Variants in INTS13 observed in about 807,000 individuals in gnomAD.
INTS13 encodes the protein integrator complex subunit 13.
A neutral mutation model predicts 90.2 loss-of-function variants in INTS13; 35 were observed. The observed-to-expected ratio is 0.39, with a 90% CI of 0.30 to 0.51. The LOEUF (loss-of-function observed/expected upper bound fraction) is 0.51, where lower values mean the gene tolerates loss of function less well. INTS13 is among the 20% of genes least tolerant of loss of function. The pLI is 0.80. For synonymous variants in INTS13, 309 were observed against 277.1 expected (o/e 1.11, Z -1.14); for missense variants, 601 against 851.2 (o/e 0.71, Z 3.66).
intron 16 of INTS13, among the ~76,000 whole-genome samples, chr12:26,906,090 C>A (rs1951599802): frequency 6.6e-6 from 1 of 152,046 alleles, no homozygotes; most frequent in Admixed American, 6.5e-5. Context: ...AAGAAATGCT[C>A]TAAGGAGTAA....
At chr12:26,911,124 C>T in intron 15 of INTS13, 54 bp downstream of exon 15, 1 of 1,563,640 alleles carries the variant, frequency 6.4e-7, no homozygotes, top group Admixed American at 1.9e-5. Flanking sequence ...GGTAAGCCAC[C>T]ACACCCGGCC....
chr12:26,925,956 C>A, intron 5 of INTS13, 105 bp from the exon 6 acceptor site: 1 of 747,678 alleles, frequency 1.3e-6, no homozygotes. Context: ...CATATTGCTA[C>A]AATTAGATAT....
At chr12:26,910,479 C>T (rs1003517622) in intron 15 of INTS13, among the ~76,000 whole-genome samples, 3 of 152,126 alleles carry the variant, frequency 2.0e-5, no homozygotes, top group Non-Finnish European at 2.9e-5. Context: ...ATGCTGTTCT[C>T]GTGATAGTGA....
intron 10 of INTS13, among the ~76,000 whole-genome samples, chr12:26,917,078 TCA>T (rs199518255): frequency 0.011 from 1,716 of 152,158 alleles, 26 homozygotes; most frequent in African/African-American, 0.039. Context: ...ATAAAAATAC[TCA>T]CAATTTTATT....
In INTS13 at chr12:26,919,904, G is replaced by A. The variant is rs528480534; in HGVS notation, c.890-2171C>T. Reference sequence around the variant, plus strand: ...CAGCACTTTGGGAGGCTGAGGGGGCGGATCACGAGGTCAGGAGATCAAGAC... The same window carrying A: ...CAGCACTTTGGGAGGCTGAGGGGGCAGATCACGAGGTCAGGAGATCAAGAC... On this transcript the variant is annotated intron_variant, in intron 8 of 16. Coordinates refer to ENST00000261191, the MANE Select transcript of INTS13 (RefSeq NM_018164.3). 4.4e-4 allele frequency among the ~76,000 whole-genome samples: 67 copies of A among 152,098 alleles called. 1 individual carries two copies. In the South Asian group the frequency reaches 0.014, roughly 31 times the overall value.
intron 5 of INTS13, among the ~76,000 whole-genome samples, chr12:26,926,531 C>T (rs1937884682): frequency 6.6e-6 from 1 of 152,190 alleles, no homozygotes; most frequent in African/African-American, 2.4e-5. Flanking sequence ...AACACTATGA[C>T]CGCACCTAAG....
chr12:26,914,376 T>TA (rs113095337), intron 12 of INTS13, 32 bp downstream of exon 12: 16 of 1,572,056 alleles, frequency 1.0e-5, no homozygotes, highest in African/African-American at 9.6e-5. Context: ...ATAACTAATC[T>TA]ATAAGAAAAG....
At chr12:26,922,921 A>AT (rs981556569) in intron 7 of INTS13, among the ~76,000 whole-genome samples, 4 of 152,136 alleles carry the variant, frequency 2.6e-5, no homozygotes, top group Admixed American at 6.5e-5. Flanking sequence ...GTATTTAATG[A>AT]TTTTTTTACA....
chr12:26,935,991 A>C (rs183461765), intron 2 of INTS13, among the ~76,000 whole-genome samples: 1 of 152,352 alleles, frequency 6.6e-6, no homozygotes, highest in African/African-American at 2.4e-5. Flanking sequence ...AACCATATCC[A>C]CTTAGCATTC....
At chr12:26,917,331 C>A (rs749949402) in intron 10 of INTS13, 21 bp downstream of exon 10, 2 of 970,916 alleles carry the variant, frequency 2.1e-6, no homozygotes, top group Non-Finnish European at 3.0e-6. Context: ...TCAGTCAAAA[C>A]CATTAAATAA....
intron 14 of INTS13, among the ~76,000 whole-genome samples, chr12:26,913,007 A>G (rs1371477037): frequency 6.6e-6 from 1 of 152,196 alleles, no homozygotes; most frequent in Non-Finnish European, 1.5e-5. Flanking sequence ...CTGGGATTAC[A>G]GGTGTGAACC....
Position 26,905,423 on chromosome 12 carries a change from T to C in INTS13, c.*74A>G. ...AGGCAACATAACTATACCATCTTGCTGTAAAAGTACTTATATCGAATTCCG... is the reference window on the plus strand; with the variant it reads ...AGGCAACATAACTATACCATCTTGCCGTAAAAGTACTTATATCGAATTCCG... On this transcript the variant is annotated 3_prime_UTR_variant, in exon 17 of 17. Coordinates refer to ENST00000261191, the MANE Select transcript of INTS13 (RefSeq NM_018164.3). The C allele has an allele frequency of 7.3e-7, 1 of 1,372,120 alleles. No homozygotes were observed. The highest frequency in any genetic ancestry group is 1.0e-6 in the Non-Finnish European group (1 of 972,646). The allele number at this position is 1,372,120 out of a possible 1,614,324, so 85.0% of individuals were successfully genotyped here. A position where few individuals can be genotyped will look rare whatever the true frequency, so the allele number is the denominator to read the frequency against.
chr12:26,925,815 G>T lies in INTS13; in HGVS notation c.621C>A (p.Ile207=). 1 of 1,612,944 alleles carries T rather than the reference G, an allele frequency of 6.2e-7. No homozygotes were observed. The highest frequency in any genetic ancestry group is 1.1e-5 in the South Asian group (1 of 90,980). ...MQIQKCELVL[I]HTYPVGEDSL... ...TGTCTTCACCAACTGGGTAGGTGTG[G>T]ATCAAGACCAACTCACATTTTTGAA... Residue 207 remains isoleucine, a synonymous_variant, in exon 6 of 17, where the codon ATC becomes ATA. Transcript: ENST00000261191.
chr12:26,936,832 T>A lies in INTS13; in HGVS notation c.-11-18A>T. 1 of 1,488,254 alleles carries A rather than the reference T, an allele frequency of 6.7e-7. No homozygotes were observed. The allele number at this position is 1,488,254 out of a possible 1,614,324, so 92.2% of individuals were successfully genotyped here. The stretch of plus-strand genomic sequence containing the variant: ...GTTTTAACCTGTAAGGGGAAAAACA[T>A]ATTAGCCAAATATTTGTACATAACA... On this transcript the variant is annotated intron_variant, in intron 1 of 16. Transcript: ENST00000261191.
In INTS13 at chr12:26,911,344, T is replaced by C. The variant is rs775231584; in HGVS notation, c.1806-27A>G. On this transcript the variant is annotated intron_variant, in intron 14 of 16. Coordinates refer to ENST00000261191, the MANE Select transcript of INTS13 (RefSeq NM_018164.3). ...TTTTAGAGGGACAAATAATGAAATG[T>C]AAAGTTCAAATTTTTAGAAGTCTAA... 3 of 1,580,154 alleles carry C rather than the reference T, an allele frequency of 1.9e-6. No individual in the cohort carries two copies. In the South Asian group the frequency reaches 3.5e-5, roughly 19 times the overall value.
At chr12:26,928,587 C>A in intron 4 of INTS13, 116 bp downstream of exon 4, 1 of 1,018,822 alleles carries the variant, frequency 9.8e-7, no homozygotes, top group Non-Finnish European at 1.4e-6. Flanking sequence ...TCAGAAAGGC[C>A]ACTTGTAATA....
rs569411628 is a variant in INTS13 at position 26,913,453 on chromosome 12, T to G, written c.1805+4A>C. ...ATGGTGCTATATCAATGCCAGGAAG[T>G]CACCTCTCTGAGTCTTGCCAAGACT... is the stretch of plus-strand genomic sequence containing the variant. On this transcript the variant is annotated splice_donor_region_variant and intron_variant, in intron 14 of 16. Coordinates refer to ENST00000261191, the MANE Select transcript of INTS13 (RefSeq NM_018164.3). The G allele has an allele frequency of 1.9e-6, 3 of 1,612,994 alleles. No homozygotes were observed. In the East Asian group the frequency reaches 6.7e-5, roughly 36 times the overall value.
intron 5 of INTS13, among the ~76,000 whole-genome samples, chr12:26,927,361 T>A (rs1032420450): frequency 6.6e-6 from 1 of 152,200 alleles, no homozygotes; most frequent in African/African-American, 2.4e-5. Flanking sequence ...AGGATTGTCA[T>A]AATTGAATTG....
chr12:26,935,008 T>C (rs1938387514), intron 2 of INTS13, among the ~76,000 whole-genome samples: 1 of 152,188 alleles, frequency 6.6e-6, no homozygotes, highest in South Asian at 2.1e-4. Context: ...TCCATAGAAG[T>C]GGCAACTGAA....
Sources: gnomAD v4.1 joint callset for allele counts (sites outside exome capture counted in the v4.1 genomes callset) on GRCh38, gnomAD v4.1.1 for gene constraint, MANE v1.5 for transcripts, NCBI Gene and HGNC (gene_info 2026-07-23, HGNC 2026-07-21) for gene names.